SLIT2: variants seen among roughly 807,000 people sequenced by gnomAD.
The protein encoded by SLIT2 is slit guidance ligand 2, also known as slit homolog 2 protein.
A neutral mutation model predicts 185.7 loss-of-function variants in SLIT2; 41 were observed. The ratio of observed to expected loss-of-function variants is 0.22; its 90% CI spans 0.17 to 0.29. The LOEUF is 0.29. SLIT2 is among the 10% of genes least tolerant of loss of function. SLIT2 has a pLI of 1.00. For synonymous variants in SLIT2, 693 were observed against 680.2 expected, an observed-to-expected ratio of 1.02 and a Z score of -0.29; for missense variants, 1,571 against 1,909.0, an observed-to-expected ratio of 0.82 and a Z score of 3.30.
At chr4:20,361,009 G>A (rs915330726) in intron 4 of SLIT2, among the ~76,000 whole-genome samples, 2 of 152,046 alleles carry the variant, frequency 1.3e-5, no homozygotes, top group Non-Finnish European at 2.9e-5. Flanking sequence ...CTCAACAAAC[G>A]CTAATCAGAG....
At chr4:20,354,321 C>T (rs1242168504) in intron 4 of SLIT2, among the ~76,000 whole-genome samples, 1 of 151,678 alleles carries the variant, frequency 6.6e-6, no homozygotes, top group Non-Finnish European at 1.5e-5. Context: ...GTCAGTGGAG[C>T]CCAGCAGGGA....
At position 20,543,192 on chromosome 4, in the gene SLIT2, G is replaced by C. The variant is rs143741415; in HGVS notation, c.2276+566G>C. On this transcript the variant is annotated intron_variant, in intron 21 of 36. Transcript: ENST00000504154. ...CCCTTAAGAAGAGATGCTGCTTTTGGAGGCTTGAATCAAAGTCCTTTAGAT... is the reference window on the plus strand; with the variant it reads ...CCCTTAAGAAGAGATGCTGCTTTTGCAGGCTTGAATCAAAGTCCTTTAGAT... Among the ~76,000 whole-genome samples, 5 of 152,146 alleles carry C rather than the reference G, an allele frequency of 3.3e-5. No individual in the cohort carries two copies. In the East Asian group the frequency reaches 9.7e-4, roughly 29 times the overall value.
intron 26 of SLIT2, among the ~76,000 whole-genome samples, chr4:20,556,739 A>C (rs1312836650): frequency 8.0e-6 from 1 of 125,384 alleles, no homozygotes; most frequent in African/African-American, 3.2e-5. Flanking sequence ...TAACAACAAC[A>C]ACAACAACAA....
chr4:20,398,741 T>A (rs1296910560), intron 4 of SLIT2, among the ~76,000 whole-genome samples: 1 of 151,852 alleles, frequency 6.6e-6, no homozygotes, highest in African/African-American at 2.4e-5. Context: ...ATATTTCATT[T>A]GCTTATGTGT....
chr4:20,393,314 C>A (rs1296648442), intron 4 of SLIT2: 3 of 152,054 alleles, frequency 2.0e-5, no homozygotes, highest in East Asian at 3.9e-4. Flanking sequence ...AAATAGAAGC[C>A]TAATTACATT....
At chr4:20,516,528 C>A (rs903704929) in intron 11 of SLIT2, among the ~76,000 whole-genome samples, 7 of 152,170 alleles carry the variant, frequency 4.6e-5, no homozygotes, top group East Asian at 1.9e-4. Flanking sequence ...TTAAAAATTT[C>A]TTTTCCTCCA....
At chr4:20,409,076 CTTTTG>C (rs1027257155) in intron 4 of SLIT2, among the ~76,000 whole-genome samples, 3 of 152,006 alleles carry the variant, frequency 2.0e-5, no homozygotes, top group African/African-American at 7.2e-5. Context: ...TAATTTCCAA[CTTTTG>C]TTTTAAGTTT....
chr4:20,374,170 A>AT (rs1488327746), intron 4 of SLIT2, among the ~76,000 whole-genome samples: 2 of 152,094 alleles, frequency 1.3e-5, no homozygotes, highest in African/African-American at 4.8e-5. Context: ...TACAGGGAAA[A>AT]TTATATGCGA....
rs186704983 is a variant in SLIT2 at position 20,569,853 on chromosome 4, A to G, written c.3088+849A>G. Among the ~76,000 whole-genome samples the G allele has an allele frequency of 2.5e-3, 376 of 152,216 alleles. 4 individuals are homozygous for G. Among genetic ancestry groups the G allele is most frequent in the African/African-American group, 8.4e-3 (348 of 41,566 alleles). ...CATTTCATTTACTATGTCTGTTTTC[A>G]TATAATTTAATACATAGCGAGAAAA... is the stretch of plus-strand genomic sequence containing the variant. On this transcript the variant is annotated intron_variant, in intron 29 of 36. Transcript: ENST00000504154.
intron 4 of SLIT2, among the ~76,000 whole-genome samples, chr4:20,393,885 A>G (rs1234512689): frequency 6.6e-6 from 1 of 152,058 alleles, no homozygotes; most frequent in Non-Finnish European, 1.5e-5. Flanking sequence ...CACTGGCTGT[A>G]TTGGTGATCA....
At chr4:20,606,179 C>T (rs1048489166) in intron 33 of SLIT2, among the ~76,000 whole-genome samples, 1 of 152,122 alleles carries the variant, frequency 6.6e-6, no homozygotes, top group Non-Finnish European at 1.5e-5. Context: ...CTCTTTAGGT[C>T]CCATGTGTAA....
intron 5 of SLIT2, among the ~76,000 whole-genome samples, chr4:20,472,338 C>CTA (rs1273786932): frequency 1.8e-4 from 3 of 17,126 alleles, no homozygotes; most frequent in Admixed American, 7.2e-4. Flanking sequence ...ATATATAGAT[C>CTA]TATATATAGA....
At chr4:20,424,242 A>C (rs1728380104) in intron 4 of SLIT2, among the ~76,000 whole-genome samples, 1 of 152,100 alleles carries the variant, frequency 6.6e-6, no homozygotes, top group Admixed American at 6.6e-5. Flanking sequence ...AAAGCACCTT[A>C]ACTTCATGAA....
At chr4:20,509,943 T>C (rs1452770275) in intron 9 of SLIT2, among the ~76,000 whole-genome samples, 2 of 152,206 alleles carry the variant, frequency 1.3e-5, no homozygotes, top group Non-Finnish European at 2.9e-5. Flanking sequence ...ACTGAAAATA[T>C]CTGTAGCATA....
chr4:20,567,940 A>C (rs971903247), intron 28 of SLIT2, among the ~76,000 whole-genome samples: 4 of 152,086 alleles, frequency 2.6e-5, no homozygotes, highest in African/African-American at 7.2e-5. Context: ...CTAGTCCCCT[A>C]CTGCTAGTCA....
chr4:20,568,182 C>T (rs528670824), intron 28 of SLIT2, among the ~76,000 whole-genome samples: 2 of 152,046 alleles, frequency 1.3e-5, no homozygotes, highest in African/African-American at 4.8e-5. Flanking sequence ...AATAATGTCA[C>T]ATAAGAATGC....
At position 20,333,971 on chromosome 4, in the gene SLIT2, A is replaced by G. The variant is rs537936259; in HGVS notation, c.395+65090A>G. 3.9e-5 allele frequency among the ~76,000 whole-genome samples: 6 copies of G among 152,292 alleles called. No homozygotes were observed. In the East Asian group the frequency reaches 7.7e-4, roughly 20 times the overall value. Reference sequence around the variant, plus strand: ...GCAAAGATTGGTGCCAATTGATGCAATTAGTTATAGCTTTGAAGTAATTGT... The same window carrying G: ...GCAAAGATTGGTGCCAATTGATGCAGTTAGTTATAGCTTTGAAGTAATTGT... On this transcript the variant is annotated intron_variant, in intron 4 of 36. Transcript: ENST00000504154.
At chr4:20,370,318 A>C (rs949870407) in intron 4 of SLIT2, among the ~76,000 whole-genome samples, 1 of 152,110 alleles carries the variant, frequency 6.6e-6, no homozygotes, top group Non-Finnish European at 1.5e-5. Context: ...TCAATCGATT[A>C]TCTTTTTCCT....
chr4:20,473,830 T>C lies in SLIT2; in HGVS notation c.467+6007T>C, dbSNP rs191670185. ...TGTAACAAACAGAGAAAAGAGGGTATGTAAATTTTACCAGGCAAATGCAAG... is the reference window on the plus strand; with the variant it reads ...TGTAACAAACAGAGAAAAGAGGGTACGTAAATTTTACCAGGCAAATGCAAG... On this transcript the variant is annotated intron_variant, in intron 5 of 36. Transcript: ENST00000504154. Among the ~76,000 whole-genome samples, 530 of 152,186 alleles carry C rather than the reference T, an allele frequency of 3.5e-3. 3 individuals carry two copies. The highest frequency in any genetic ancestry group is 0.02 in the Middle Eastern group (6 of 294).
Sources: gnomAD v4.1 joint callset for allele counts (sites outside exome capture counted in the v4.1 genomes callset) on GRCh38, gnomAD v4.1.1 for gene constraint, MANE v1.5 for transcripts, NCBI Gene and HGNC (gene_info 2026-07-23, HGNC 2026-07-21) for gene names.